The following MICALL2 variants were observed in gnomAD, a reference collection of about 807,000 sequenced individuals.
MICALL2 encodes the protein MICAL-like protein 2.
Under a neutral mutation model 91.1 loss-of-function variants are expected in MICALL2, and 111 were observed. The observed-to-expected ratio is 1.22, with a 90% CI of 1.04 to 1.43. The LOEUF (loss-of-function observed/expected upper bound fraction) is 1.43, where lower values mean the gene tolerates loss of function less well. Ranked by LOEUF, MICALL2 falls within the 40% of genes most tolerant of loss-of-function variation. The pLI, the probability that MICALL2 is intolerant of heterozygous loss-of-function variation, is 0.00. For synonymous variants in MICALL2, 694 were observed against 525.3 expected (o/e 1.32, Z -4.39); for missense variants, 1,556 against 1,236.0 (o/e 1.26, Z -3.88).
rs1403927975 is a variant in MICALL2 at position 1,437,106 on chromosome 7, G to A, written c.2477-250C>T. The stretch of plus-strand genomic sequence containing the variant: ...CACTCGCTGCAGAGATATGGACACT[G>A]AGGCTCAGGGCGTCGCTGTCCCTGC... On this transcript the variant is annotated intron_variant, in intron 14 of 16. Coordinates refer to ENST00000297508, the MANE Select transcript of MICALL2 (RefSeq NM_182924.4). 7 of 484,924 alleles carry A rather than the reference G, an allele frequency of 1.4e-5. No individual in the cohort carries two copies. The East Asian group carries it at 2.6e-4, about 18-fold the overall frequency. 30.0% of individuals were successfully genotyped at this position (484,924 alleles called of 1,614,324 possible). A position where few individuals can be genotyped will look rare whatever the true frequency, so the allele number is the denominator to read the frequency against.
In MICALL2 at chr7:1,436,872, G is replaced by C; in HGVS notation, c.2477-16C>G. The C allele has an allele frequency of 6.5e-7, 1 of 1,537,216 alleles. No homozygotes were observed. The highest frequency in any genetic ancestry group is 2.5e-5 in the East Asian group (1 of 40,762). On this transcript the variant is annotated splice_polypyrimidine_tract_variant and intron_variant, in intron 14 of 16. Transcript: ENST00000297508. ...TTCAGAGCCTCTGTGGGGATGGCTC[G>C]TCAGCAGGAGCCCCCCCCACCACTG...
chr7:1,444,643 CGCGCTCACCTGCCAG>C lies in MICALL2; in HGVS notation c.1412_1418+8del. ...CATACCCGGGGTCCCTCGGTCCCCACGCGCTCACCTGCCAGGCGCCGGAGCGCCAGCCTCTTCCAG... is the reference window on the plus strand; with the variant it reads ...CATACCCGGGGTCCCTCGGTCCCCACGCGCCGGAGCGCCAGCCTCTTCCAG... On this transcript the variant is annotated splice_donor_variant and splice_donor_5th_base_variant and coding_sequence_variant and intron_variant, in exon 6 of 17. Coordinates refer to ENST00000297508, the MANE Select transcript of MICALL2 (RefSeq NM_182924.4). LOFTEE classifies it high-confidence loss of function. The C allele has an allele frequency of 1.2e-6, 2 of 1,605,902 alleles. No homozygotes were observed. The highest frequency in any genetic ancestry group is 1.7e-6 in the Non-Finnish European group (2 of 1,178,876).
Position 1,434,427 on chromosome 7 carries a change from G to T in MICALL2, c.*169C>A. 1.4e-6 allele frequency: 1 copy of T among 705,264 alleles called. No individual in the cohort carries two copies. The highest frequency in any genetic ancestry group is 2.6e-6 in the Non-Finnish European group (1 of 386,664). The allele number at this position is 705,264 out of a possible 1,614,324, so 43.7% of individuals were successfully genotyped here. On this transcript the variant is annotated 3_prime_UTR_variant, in exon 17 of 17. Coordinates refer to ENST00000297508, the MANE Select transcript of MICALL2 (RefSeq NM_182924.4). ...TAGCGCAGGTCCCTGCTGTCCACAT[G>T]CCCCTTGTAGGGACAGGAGGCCCTT...
chr7:1,438,936 A>G lies in MICALL2; in HGVS notation c.2026T>C (p.Cys676Arg). 1.2e-6 allele frequency: 2 copies of G among 1,606,720 alleles called. No individual in the cohort carries two copies. Among genetic ancestry groups the G allele is most frequent in the Non-Finnish European group, 1.7e-6 (2 of 1,179,514 alleles). ...GGCTCCGGCCGAAGCCAGTTGTCAC[A>G]AACGTCGAGGCTGGCAGGGACGGCC... ...RLAVPASLDV[C>R]DNWLRPEPPG... The change falls in exon 10 of 17, where the codon TGT becomes CGT. Residue 676 changes from cysteine to arginine, a missense_variant. Cys to Arg is a radical substitution (Grantham distance 180). Coordinates refer to ENST00000297508, the MANE Select transcript of MICALL2 (RefSeq NM_182924.4).
intron 2 of MICALL2, 71 bp from the exon 3 acceptor site, chr7:1,448,832 C>T: frequency 6.4e-7 from 1 of 1,574,330 alleles, no homozygotes; most frequent in Non-Finnish European, 8.7e-7. Context: ...CGCAGCTCAC[C>T]TCGACTCAAA....
At chr7:1,446,926 GA>G in intron 4 of MICALL2, 98 bp from the exon 5 acceptor site, 1 of 872,162 alleles carries the variant, frequency 1.1e-6, no homozygotes, top group Non-Finnish European at 1.7e-6. Flanking sequence ...CTTACAGATG[GA>G]GAACTGGCCA....
chr7:1,454,465 AG>A (rs1780942257), intron 1 of MICALL2, among the ~76,000 whole-genome samples: 1 of 67,486 alleles, frequency 1.5e-5, no homozygotes, highest in Non-Finnish European at 2.9e-5. Context: ...GGGGGTGGGC[AG>A]GGGGCGGTGA....
At chr7:1,439,821 G>C in intron 9 of MICALL2, 104 bp downstream of exon 9, 1 of 1,026,984 alleles carries the variant, frequency 9.7e-7, no homozygotes. Flanking sequence ...GCGCCTCTCC[G>C]CACACCCCAG....
chr7:1,450,489 C>A, intron 1 of MICALL2: 1 of 584,152 alleles, frequency 1.7e-6, no homozygotes, highest in Admixed American at 3.0e-5. Context: ...CTGCTGGGAC[C>A]GTAGTACGAC....
intron 7 of MICALL2, 153 bp from the exon 8 acceptor site, chr7:1,440,837 G>T (rs577525803): frequency 3.1e-6 from 2 of 642,960 alleles, no homozygotes; most frequent in South Asian, 1.7e-5. Context: ...CAGGAGCACC[G>T]GGCAGGGAGT....
chr7:1,436,739 C>T lies in MICALL2; in HGVS notation c.2591+3G>A. 2.5e-6 allele frequency: 4 copies of T among 1,601,164 alleles called. No individual in the cohort carries two copies. Among genetic ancestry groups the T allele is most frequent in the South Asian group, 1.1e-5 (1 of 90,206 alleles). ...GGAGGGGCCCCCGGCACCTGCCCCT[C>T]ACCGGAGCCGGTCCTCGTCCAGCGA... On this transcript the variant is annotated splice_donor_region_variant and intron_variant, in intron 15 of 16. Coordinates refer to ENST00000297508, the MANE Select transcript of MICALL2 (RefSeq NM_182924.4).
At chr7:1,443,986 T>A (rs1780436355) in intron 6 of MICALL2, among the ~76,000 whole-genome samples, 1 of 151,744 alleles carries the variant, frequency 6.6e-6, no homozygotes, top group Admixed American at 6.6e-5. Flanking sequence ...TCAGACAAGG[T>A]GATGCTCAGC....
intron 10 of MICALL2, 180 bp downstream of exon 10, chr7:1,438,660 C>T (rs745571643): frequency 1.1e-4 from 163 of 1,429,588 alleles, no homozygotes; most frequent in Non-Finnish European, 1.4e-4. Flanking sequence ...TACTCTGAAA[C>T]AGCTAGGGTC....
At chr7:1,447,362 C>T (rs1780645343) in intron 4 of MICALL2, among the ~76,000 whole-genome samples, 1 of 152,134 alleles carries the variant, frequency 6.6e-6, no homozygotes, top group African/African-American at 2.4e-5. Context: ...TGTGCTCTCC[C>T]ATCTGTACAA....
intron 1 of MICALL2, among the ~76,000 whole-genome samples, chr7:1,456,179 G>A (rs150317601): frequency 2.0e-4 from 29 of 148,558 alleles, no homozygotes; most frequent in African/African-American, 5.8e-4. Context: ...CCAGCGCTTC[G>A]GGAGGCTGAG....
Position 1,446,762 on chromosome 7 carries a change from C to T in MICALL2, c.592G>A (p.Val198Ile), listed in dbSNP as rs1252205743. ...CTCCCGTCGGCCAGGTGCCGCTGTA[C>T]CAGGTGCACGTGCTTGCCGCAGACC... ...CGVCGKHVHLVQRHLADGRLY... is the reference protein window; with the variant it reads ...CGVCGKHVHLIQRHLADGRLY... Residue 198 changes from valine to isoleucine, a missense_variant, in exon 5 of 17, where the codon GTA becomes ATA. Coordinates refer to ENST00000297508, the MANE Select transcript of MICALL2 (RefSeq NM_182924.4). 1 of 1,608,460 alleles carries T rather than the reference C, an allele frequency of 6.2e-7. No homozygotes were observed. The highest frequency in any genetic ancestry group is 1.7e-5 in the Admixed American group (1 of 59,666).
Position 1,448,593 on chromosome 7 carries a change from G to C in MICALL2, c.334+27C>G, listed in dbSNP as rs1780698375. 5.6e-6 allele frequency: 9 copies of C among 1,611,214 alleles called. No homozygotes were observed. In the East Asian group the frequency reaches 2.0e-4, roughly 36 times the overall value. On this transcript the variant is annotated intron_variant, in intron 3 of 16. Coordinates refer to ENST00000297508, the MANE Select transcript of MICALL2 (RefSeq NM_182924.4). The stretch of plus-strand genomic sequence containing the variant: ...AAGGATGGGGGGCCTGGTCCTGCCT[G>C]GCTCGGCGGGCGCGGCAGGGACTCA...
chr7:1,439,238 G>A (rs759765050), intron 9 of MICALL2: 120 of 521,474 alleles, frequency 2.3e-4, no homozygotes, highest in Non-Finnish European at 3.1e-4. Flanking sequence ...GAAGTGGCAC[G>A]AGAGCTGGAT....
At position 1,447,681 on chromosome 7, in the gene MICALL2, T is replaced by C; in HGVS notation, c.419A>G (p.Lys140Arg). 1 of 1,583,728 alleles carries C rather than the reference T, an allele frequency of 6.3e-7. No individual in the cohort carries two copies. Among genetic ancestry groups the C allele is most frequent in the African/African-American group, 1.3e-5 (1 of 74,540 alleles). Residue 140 changes from lysine (K) to arginine (R), a missense_variant, in exon 4 of 17, where the codon AAG becomes AGG. Transcript: ENST00000297508. ...CCGGGCTGGGGCGGGCGAGGGCAGCTTGGCCGCCTGGACTGGAGCCTTCTT... is the reference window on the plus strand; with the variant it reads ...CCGGGCTGGGGCGGGCGAGGGCAGCCTGGCCGCCTGGACTGGAGCCTTCTT... Reference protein sequence around the residue: ...SGKKAPVQAAKLPSPAPARKP... With the variant: ...SGKKAPVQAARLPSPAPARKP...
Sources: allele counts gnomAD v4.1 joint callset (sites outside exome capture counted in the v4.1 genomes callset), GRCh38; gene constraint gnomAD v4.1.1; transcripts MANE v1.5; gene names NCBI Gene and HGNC (gene_info 2026-07-23, HGNC 2026-07-21).